The following COL23A1 variants were observed in gnomAD, a reference collection of about 807,000 sequenced individuals.
COL23A1 encodes the protein collagen type XXIII alpha 1 chain, also known as collagen alpha-1(XXIII) chain.
A neutral mutation model predicts 99.3 loss-of-function variants in COL23A1; 97 were observed. The observed-to-expected ratio is 0.98, with a 90% CI of 0.83 to 1.16. The LOEUF is 1.16. COL23A1 is among the 50% of genes most tolerant of loss of function. COL23A1 has a pLI of 0.00. For missense variants in COL23A1, 762 were observed against 757.4 expected (o/e 1.01, Z -0.07); for synonymous variants, 320 against 308.2 (o/e 1.04, Z -0.40).
chr5:178,436,016 C>T (rs572977348), intron 2 of COL23A1, among the ~76,000 whole-genome samples: 6 of 152,334 alleles, frequency 3.9e-5, no homozygotes, highest in African/African-American at 1.2e-4. Context: ...TGGGCATGCA[C>T]AGCAAGCATG....
intron 1 of COL23A1, among the ~76,000 whole-genome samples, chr5:178,582,364 T>C (rs1581681143): frequency 6.6e-6 from 1 of 152,140 alleles, no homozygotes; most frequent in Non-Finnish European, 1.5e-5. Flanking sequence ...AAGAATGCGA[T>C]GTGCAGCTGC....
At chr5:178,327,757 T>G (rs1399600817) in intron 2 of COL23A1, among the ~76,000 whole-genome samples, 1 of 152,094 alleles carries the variant, frequency 6.6e-6, no homozygotes, top group African/African-American at 2.4e-5. Context: ...CACCAACCAC[T>G]GGGCTACCTG....
intron 16 of COL23A1, 105 bp from the exon 17 acceptor site, chr5:178,252,702 G>A (rs1765100995): frequency 1.4e-5 from 14 of 979,852 alleles, no homozygotes; most frequent in Non-Finnish European, 2.1e-5. Context: ...CAGCTGAGCA[G>A]AGCAGGGGCA....
chr5:178,491,533 T>C (rs999391331), intron 2 of COL23A1, among the ~76,000 whole-genome samples: 1 of 152,016 alleles, frequency 6.6e-6, no homozygotes, highest in Admixed American at 6.6e-5. Flanking sequence ...CCTCAAAATC[T>C]GGCCCAAAAG....
chr5:178,538,153 G>A (rs1304327239), intron 2 of COL23A1, among the ~76,000 whole-genome samples: 1 of 152,208 alleles, frequency 6.6e-6, no homozygotes, highest in Non-Finnish European at 1.5e-5. Context: ...GAGCTGAAGG[G>A]GAGATGTTCC....
chr5:178,539,378 C>G (rs583256), intron 2 of COL23A1, among the ~76,000 whole-genome samples: 33,150 of 151,522 alleles, frequency 0.22, 3,689 homozygotes, highest in African/African-American at 0.24. Context: ...GAAATCCTGT[C>G]TCTACTAAAA....
At chr5:178,522,386 G>A (rs986485709) in intron 2 of COL23A1, among the ~76,000 whole-genome samples, 4 of 152,090 alleles carry the variant, frequency 2.6e-5, no homozygotes, top group Non-Finnish European at 4.4e-5. Context: ...GTCCCAGTCC[G>A]CACAGACATC....
rs1012708410 is a variant in COL23A1 at position 178,323,770 on chromosome 5, C to G, written c.362-16851G>C. Among the ~76,000 whole-genome samples, 4 of 152,166 alleles carry G rather than the reference C, an allele frequency of 2.6e-5. No homozygotes were observed. The East Asian group carries it at 5.8e-4, about 22-fold the overall frequency. ...AGGGAGGTGGCTCCCACATGTGGACCTACCATGAGCCATGCGCTGTGCTGG... is the reference window on the plus strand; with the variant it reads ...AGGGAGGTGGCTCCCACATGTGGACGTACCATGAGCCATGCGCTGTGCTGG... On this transcript the variant is annotated intron_variant, in intron 2 of 28. Coordinates refer to ENST00000390654, the MANE Select transcript of COL23A1 (RefSeq NM_173465.4).
chr5:178,560,751 G>C lies in COL23A1; in HGVS notation c.295-3C>G. On this transcript the variant is annotated splice_region_variant and splice_polypyrimidine_tract_variant and intron_variant, in intron 1 of 28. Transcript: ENST00000390654. Reference sequence around the variant, plus strand: ...ATCTTCGCTAGTCCGTCCAACTTCTGAGCCGGAAAAAAAAAAAGAAAAAAA... The same window carrying C: ...ATCTTCGCTAGTCCGTCCAACTTCTCAGCCGGAAAAAAAAAAAGAAAAAAA... 6.2e-7 allele frequency: 1 copy of C among 1,604,090 alleles called. No homozygotes were observed. Among genetic ancestry groups the C allele is most frequent in the Non-Finnish European group, 8.5e-7 (1 of 1,176,336 alleles).
intron 2 of COL23A1, among the ~76,000 whole-genome samples, chr5:178,424,437 G>A (rs1765797481): frequency 6.6e-6 from 1 of 152,188 alleles, no homozygotes; most frequent in African/African-American, 2.4e-5. Flanking sequence ...TTTGATCCAG[G>A]GCCCAGTCAT....
At chr5:178,266,634 T>C (rs1378658370) in intron 8 of COL23A1, among the ~76,000 whole-genome samples, 2 of 152,180 alleles carry the variant, frequency 1.3e-5, no homozygotes, top group Non-Finnish European at 2.9e-5. Context: ...TTTCTTTGAC[T>C]GCAGAACAAT....
In COL23A1 at chr5:178,387,756, A is replaced by G. The variant is rs1393758799; in HGVS notation, c.362-80837T>C. Among the ~76,000 whole-genome samples the G allele has an allele frequency of 6.6e-6, 1 of 152,126 alleles. No homozygotes were observed. The highest frequency in any genetic ancestry group is 1.5e-5 in the Non-Finnish European group (1 of 68,028). On this transcript the variant is annotated intron_variant, in intron 2 of 28. Coordinates refer to ENST00000390654, the MANE Select transcript of COL23A1 (RefSeq NM_173465.4). This position sits in a 1 kb window ranked among gnomAD's most constrained non-coding sequence, Gnocchi z 4.7. Reference sequence around the variant, plus strand: ...GAGGCAGTGGGTCTGAGTTCTCCCTACAGACAGTGTGGGCCATTTTCCCCC... The same window carrying G: ...GAGGCAGTGGGTCTGAGTTCTCCCTGCAGACAGTGTGGGCCATTTTCCCCC...
chr5:178,425,187 C>T (rs548407448), intron 2 of COL23A1, among the ~76,000 whole-genome samples: 18 of 152,294 alleles, frequency 1.2e-4, no homozygotes, highest in Non-Finnish European at 2.4e-4. Flanking sequence ...CTTTGGGAGG[C>T]TGAGGCAGGC....
intron 2 of COL23A1, among the ~76,000 whole-genome samples, chr5:178,485,330 C>T (rs757279973): frequency 6.6e-6 from 1 of 150,552 alleles, no homozygotes; most frequent in Non-Finnish European, 1.5e-5. Flanking sequence ...GAAAAATTAG[C>T]TGGGCGTGGT....
At chr5:178,355,509 T>TGGCACC in intron 2 of COL23A1, among the ~76,000 whole-genome samples, 1 of 152,086 alleles carries the variant, frequency 6.6e-6, no homozygotes, top group Admixed American at 6.5e-5. Flanking sequence ...TACCGAAGGC[T>TGGCACC]GAGTAATTTA....
intron 2 of COL23A1, among the ~76,000 whole-genome samples, chr5:178,531,902 C>T (rs1760672520): frequency 6.6e-6 from 1 of 152,222 alleles, no homozygotes; most frequent in African/African-American, 2.4e-5. Flanking sequence ...CCTCTCAGTC[C>T]TGGAGTCACC....
intron 2 of COL23A1, among the ~76,000 whole-genome samples, chr5:178,549,262 G>A (rs1761880562): frequency 6.6e-6 from 1 of 151,830 alleles, no homozygotes; most frequent in Admixed American, 6.6e-5. Context: ...CCAAAGTGCT[G>A]GGATTACAGG....
Position 178,457,404 on chromosome 5 carries a change from G to A in COL23A1, c.361+103278C>T, listed in dbSNP as rs1353399803. On this transcript the variant is annotated intron_variant, in intron 2 of 28. Transcript: ENST00000390654. Reference sequence around the variant, plus strand: ...AATTTTTTGTATTTTTAGTAGAGACGGGGTTTTGCCATGTTGGCCAGGCTG... The same window carrying A: ...AATTTTTTGTATTTTTAGTAGAGACAGGGTTTTGCCATGTTGGCCAGGCTG... Among the ~76,000 whole-genome samples, 8 of 152,080 alleles carry A rather than the reference G, an allele frequency of 5.3e-5. No homozygotes were observed. In the East Asian group the frequency reaches 5.8e-4, roughly 11 times the overall value.
chr5:178,326,966 C>T (rs1373094723), intron 2 of COL23A1, among the ~76,000 whole-genome samples: 1 of 152,248 alleles, frequency 6.6e-6, no homozygotes, highest in East Asian at 1.9e-4. Flanking sequence ...GATCCGCCCA[C>T]CTTGGCCTCC....
Sources: gnomAD v4.1 joint callset for allele counts (sites outside exome capture counted in the v4.1 genomes callset) on GRCh38, gnomAD v4.1.1 for gene constraint, Gnocchi (gnomAD v3.1) non-coding constraint, MANE v1.5 for transcripts, NCBI Gene and HGNC (gene_info 2026-07-23, HGNC 2026-07-21) for gene names.